WDR5: variants seen among roughly 807,000 people sequenced by gnomAD.
WDR5 encodes WD repeat-containing protein 5.
For missense variants in WDR5, 187 were observed against 416.9 expected (o/e 0.45, Z 4.80); for synonymous variants, 144 against 161.6 (o/e 0.89, Z 0.83).
At position 134,157,212 on chromosome 9, in the gene WDR5, C is replaced by T. The variant is rs1021279064; in HGVS notation, c.904+619C>T. ...GGCACTGCTTCTCCCTCCCTGTGAG[C>T]AGCTTCACCCAGCCTGGGGTCAGTG... On this transcript the variant is annotated intron_variant, in intron 13 of 13. Coordinates refer to ENST00000358625, the MANE Select transcript of WDR5 (RefSeq NM_017588.3). The surrounding 1 kb of genome is among the most constrained non-coding windows in gnomAD (Gnocchi z 5.0). 1.1e-4 allele frequency among the ~76,000 whole-genome samples: 16 copies of T among 152,204 alleles called. No homozygotes were observed. Among genetic ancestry groups the T allele is most frequent in the African/African-American group, 3.6e-4 (15 of 41,458 alleles).
intron 8 of WDR5, among the ~76,000 whole-genome samples, chr9:134,149,524 C>T (rs117526281): frequency 1.3e-5 from 2 of 152,300 alleles, no homozygotes; most frequent in African/African-American, 2.4e-5. Context: ...TATGGGCGAG[C>T]GTGGAGCTGC....
chr9:134,152,137 GCCCCTGCAGGAGGAA>G, intron 9 of WDR5, 108 bp downstream of exon 9: 2 of 1,325,674 alleles, frequency 1.5e-6, no homozygotes, highest in Non-Finnish European at 1.0e-6. Context: ...CCCTGGGTCC[GCCCCTGCAGGAGGAA>G]CCTTCCTCCG....
At chr9:134,137,286 C>T (rs1275814590) in intron 1 of WDR5, among the ~76,000 whole-genome samples, 1 of 152,166 alleles carries the variant, frequency 6.6e-6, no homozygotes, top group Non-Finnish European at 1.5e-5. Context: ...CAATTCATCA[C>T]CGTTCCCGTA....
At chr9:134,140,071 C>T (rs1831801170) in intron 2 of WDR5, 113 bp downstream of exon 2, 4 of 1,247,274 alleles carry the variant, frequency 3.2e-6, no homozygotes, top group Non-Finnish European at 4.5e-6. Flanking sequence ...AATGTCACTG[C>T]TAATTTTTAT....
chr9:134,151,640 A>C (rs528554169), intron 8 of WDR5, among the ~76,000 whole-genome samples: 33 of 152,330 alleles, frequency 2.2e-4, no homozygotes, highest in African/African-American at 7.0e-4. Context: ...TGCGAGAAGC[A>C]CTGGGCTGCT....
intron 7 of WDR5, 87 bp downstream of exon 7, chr9:134,142,806 A>G: frequency 2.2e-6 from 3 of 1,383,072 alleles, no homozygotes; most frequent in Non-Finnish European, 3.1e-6. Flanking sequence ...TGAGGGGCGT[A>G]AGCCTGGCCA....
rs901288027 is a variant in WDR5 at position 134,158,167 on chromosome 9, G to C, written c.*174G>C. 1.7e-6 allele frequency: 1 copy of C among 574,556 alleles called. No individual in the cohort carries two copies. Among genetic ancestry groups the C allele is most frequent in the African/African-American group, 1.9e-5 (1 of 53,414 alleles). 35.6% of individuals were successfully genotyped at this position (574,556 alleles called of 1,614,324 possible). ...AGCGGAAGGTGTGGACCACCGGAAA[G>C]TTCTTAAAAGTTGCTGGTGACATTT... On this transcript the variant is annotated 3_prime_UTR_variant, in exon 14 of 14. Coordinates refer to ENST00000358625, the MANE Select transcript of WDR5 (RefSeq NM_017588.3).
At chr9:134,148,690 C>T (rs1832341761) in intron 8 of WDR5, among the ~76,000 whole-genome samples, 1 of 152,122 alleles carries the variant, frequency 6.6e-6, no homozygotes, top group African/African-American at 2.4e-5. Context: ...AGCTGTGCTG[C>T]TCTGGGAGGA....
At chr9:134,139,331 C>T (rs1274088158) in intron 1 of WDR5, among the ~76,000 whole-genome samples, 1 of 152,220 alleles carries the variant, frequency 6.6e-6, no homozygotes, top group East Asian at 1.9e-4. Flanking sequence ...GGTGCCCGTG[C>T]TTGTGTTTTC....
intron 1 of WDR5, among the ~76,000 whole-genome samples, chr9:134,137,567 C>T (rs560263711): frequency 6.6e-6 from 1 of 150,926 alleles, no homozygotes; most frequent in African/African-American, 2.4e-5. Flanking sequence ...GCCTGTAATC[C>T]CGGCTAAACT....
intron 4 of WDR5, 33 bp from the exon 5 acceptor site, chr9:134,141,916 G>C: frequency 6.2e-7 from 1 of 1,603,318 alleles, no homozygotes; most frequent in Non-Finnish European, 8.5e-7. Flanking sequence ...ATTTTGTCCT[G>C]TCAAGTTACT....
chr9:134,151,571 T>C (rs549098041), intron 8 of WDR5, among the ~76,000 whole-genome samples: 4 of 152,306 alleles, frequency 2.6e-5, no homozygotes, highest in African/African-American at 9.6e-5. Flanking sequence ...TCTTAAATTT[T>C]TGTTTTGAAA....
intron 2 of WDR5, 42 bp from the exon 3 acceptor site, chr9:134,140,661 G>A (rs377442836): frequency 1.9e-6 from 3 of 1,541,856 alleles, no homozygotes; most frequent in Middle Eastern, 1.7e-4. Flanking sequence ...CGGGTGGAAC[G>A]TACAGTGGTG....
intron 12 of WDR5, 142 bp downstream of exon 12, chr9:134,155,909 G>A (rs936610489): frequency 4.3e-5 from 33 of 774,814 alleles, no homozygotes; most frequent in African/African-American, 3.3e-4. Context: ...AGCGCACTGC[G>A]CCAAGTACCG....
At chr9:134,154,659 T>G (rs1276335867) in intron 10 of WDR5, 118 bp downstream of exon 10, 4 of 1,168,458 alleles carry the variant, frequency 3.4e-6, no homozygotes, top group Non-Finnish European at 3.7e-6. Context: ...TCCAGGCTCC[T>G]GGTGGAGCTT....
intron 11 of WDR5, 45 bp from the exon 12 acceptor site, chr9:134,155,648 A>AGG (rs981543047): frequency 1.3e-6 from 2 of 1,586,478 alleles, no homozygotes; most frequent in Non-Finnish European, 1.7e-6. Flanking sequence ...CACAAAATCA[A>AGG]GGGGAACCAT....
chr9:134,148,304 A>T lies in WDR5; in HGVS notation c.545A>T (p.Asp182Val). The part of the protein sequence containing the change: ...DPVSAVHFNR[D>V]GSLIVSSSYD... ...AATTCCTAGGTTCATTTTAATCGTG[A>T]TGGATCCTTGATAGTTTCAAGTAGC... The change falls in exon 8 of 14, where the codon GAT becomes GTT. Residue 182 changes from aspartate to valine, a missense_variant. Asp to Val is a radical substitution (Grantham distance 152). Coordinates refer to ENST00000358625, the MANE Select transcript of WDR5 (RefSeq NM_017588.3). 6.4e-7 allele frequency: 1 copy of T among 1,565,788 alleles called. No homozygotes were observed. Among genetic ancestry groups the T allele is most frequent in the Non-Finnish European group, 8.7e-7 (1 of 1,155,354 alleles).
chr9:134,143,430 C>T (rs891373989), intron 7 of WDR5, among the ~76,000 whole-genome samples: 5 of 152,118 alleles, frequency 3.3e-5, no homozygotes, highest in Admixed American at 6.5e-5. Context: ...AATCCCAGCT[C>T]CTGGGGAGGC....
intron 1 of WDR5, among the ~76,000 whole-genome samples, chr9:134,139,288 C>T (rs1044428028): frequency 1.3e-5 from 2 of 152,160 alleles, no homozygotes; most frequent in African/African-American, 4.8e-5. Context: ...TGCATGGAGG[C>T]ACTGGAGCCC....
Sources: gnomAD v4.1 joint callset for allele counts (sites outside exome capture counted in the v4.1 genomes callset) on GRCh38, gnomAD v4.1.1 for gene constraint, Gnocchi (gnomAD v3.1) non-coding constraint, MANE v1.5 for transcripts, NCBI Gene and HGNC (gene_info 2026-07-23, HGNC 2026-07-21) for gene names.